The following NUFIP2 variants were observed in gnomAD, a reference collection of about 807,000 sequenced individuals.
The protein encoded by NUFIP2 is FMR1-interacting protein NUFIP2.
In NUFIP2, 6 loss-of-function variants were observed where a neutral mutation model predicts 56.9. The ratio of observed to expected loss-of-function variants is 0.11; its 90% CI spans 0.06 to 0.21. The LOEUF (loss-of-function observed/expected upper bound fraction) is 0.21. NUFIP2 is among the 10% of genes least tolerant of loss of function. The probability of loss-of-function intolerance (pLI) is 1.00; values close to 1 mark genes in which losing one functional copy is unlikely to be tolerated. For synonymous variants in NUFIP2, 321 were observed against 298.2 expected, an observed-to-expected ratio of 1.08 and a Z score of -0.79; for missense variants, 828 against 826.8, an observed-to-expected ratio of 1.00 and a Z score of -0.02.
chr17:29,262,897 T>C lies in NUFIP2; in HGVS notation c.*1642A>G, dbSNP rs1326430737. 6.6e-6 allele frequency: 1 copy of C among 152,346 alleles called. No homozygotes were observed. The highest frequency in any genetic ancestry group is 1.5e-5 in the Non-Finnish European group (1 of 67,992). The allele number at this position is 152,346 out of a possible 1,614,324, so 9.4% of individuals were successfully genotyped here. ...AACAGCTTCTTTCATGAACTACTTG[T>C]TTTAAAAGCCTCAAATAATCAACAA... On this transcript the variant is annotated 3_prime_UTR_variant, in exon 4 of 4. Transcript: ENST00000225388.
rs763952481 is a variant in NUFIP2, at chr17:29,294,036, T to C, written c.24A>G (p.Pro8=). Residue 8 remains proline (P), a synonymous_variant, in exon 1 of 4, where the codon CCA becomes CCG. Transcript: ENST00000225388. MEEKPGQ[P]QPQHHHSHHH... ...GGTGGCTGTGATGGTGCTGAGGCTG[T>C]GGCTGGCCGGGCTTCTCCTCCATTG... is the stretch of plus-strand genomic sequence containing the variant. 4 of 1,606,102 alleles carry C rather than the reference T, an allele frequency of 2.5e-6. No homozygotes were observed. Among genetic ancestry groups the C allele is most frequent in the Non-Finnish European group, 3.4e-6 (4 of 1,174,608 alleles).
chr17:29,276,590 G>A (rs944725339), intron 2 of NUFIP2, among the ~76,000 whole-genome samples: 6 of 152,072 alleles, frequency 3.9e-5, no homozygotes, highest in African/African-American at 1.4e-4. Flanking sequence ...TGCCAGCCTT[G>A]GCCTCCCAAA....
chr17:29,265,691 C>T (rs2069031682), intron 3 of NUFIP2, among the ~76,000 whole-genome samples: 1 of 131,586 alleles, frequency 7.6e-6, no homozygotes, highest in Admixed American at 8.2e-5. Context: ...TCCCTAAGAA[C>T]TTTTTCAAGT....
chr17:29,285,870 C>T, intron 2 of NUFIP2, 122 bp downstream of exon 2: 3 of 729,312 alleles, frequency 4.1e-6, no homozygotes, highest in Non-Finnish European at 4.4e-6. Flanking sequence ...GCTGCTTATC[C>T]ACATTGTCAT....
rs1442204932 is a variant in NUFIP2, at chr17:29,294,141, G to A, written c.-82C>T. On this transcript the variant is annotated 5_prime_UTR_variant, in exon 1 of 4. Transcript: ENST00000225388. ...GAGACTGCTTCTCAGGGCTCACTCA[G>A]TATATCTGAGCGCGTCTCGCCAGCG... The A allele has an allele frequency of 1.3e-5, 19 of 1,486,218 alleles. No individual in the cohort carries two copies. Among genetic ancestry groups the A allele is most frequent in the Non-Finnish European group, 1.7e-5 (19 of 1,116,538 alleles). 92.1% of individuals were successfully genotyped at this position (1,486,218 alleles called of 1,614,324 possible). A position where few individuals can be genotyped will look rare whatever the true frequency, so the allele number is the denominator to read the frequency against.
intron 2 of NUFIP2, among the ~76,000 whole-genome samples, chr17:29,274,534 C>T (rs945925505): frequency 1.1e-4 from 16 of 152,328 alleles, no homozygotes; most frequent in South Asian, 2.1e-4. Context: ...TATGTACCAT[C>T]TATGACTGCT....
rs1410894571 is a variant in NUFIP2 at position 29,287,148 on chromosome 17, A to G, written c.846T>C (p.Tyr282=). Residue 282 remains tyrosine (Y), a synonymous_variant, in exon 2 of 4, where the codon TAT becomes TAC. Coordinates refer to ENST00000225388, the MANE Select transcript of NUFIP2 (RefSeq NM_020772.3). Reference sequence around the variant, plus strand: ...GACTTGTTCCTCCAGGCCCAGTTTCATACTTCCAAATGGGCTTCGAACCAT... The same window carrying G: ...GACTTGTTCCTCCAGGCCCAGTTTCGTACTTCCAAATGGGCTTCGAACCAT... ...RVDGSKPIWK[Y]ETGPGGTSRG... is the part of the protein sequence containing the mutation. 2 of 1,614,136 alleles carry G rather than the reference A, an allele frequency of 1.2e-6. No individual in the cohort carries two copies. The highest frequency in any genetic ancestry group is 2.2e-5 in the South Asian group (2 of 91,078).
chr17:29,270,717 C>A (rs1013491245), intron 2 of NUFIP2, among the ~76,000 whole-genome samples: 1 of 151,900 alleles, frequency 6.6e-6, no homozygotes, highest in South Asian at 2.1e-4. Flanking sequence ...TAGTGGCTCA[C>A]GCCTGTAATC....
intron 2 of NUFIP2, among the ~76,000 whole-genome samples, chr17:29,272,839 T>A (rs1182636639): frequency 1.5e-5 from 2 of 136,404 alleles, no homozygotes; most frequent in Non-Finnish European, 1.6e-5. Flanking sequence ...AGTAACTGAT[T>A]CTTTTTTTTT....
intron 2 of NUFIP2, among the ~76,000 whole-genome samples, chr17:29,269,015 A>G (rs2069056070): frequency 6.6e-6 from 1 of 151,976 alleles, no homozygotes; most frequent in Admixed American, 6.6e-5. Flanking sequence ...GCAGTTAAAA[A>G]CTCTACCTGT....
rs2068987267 is a variant in NUFIP2, at chr17:29,259,106, A to G, written c.*5433T>C. 6.6e-6 allele frequency: 1 copy of G among 152,236 alleles called. No homozygotes were observed. Among genetic ancestry groups the G allele is most frequent in the African/African-American group, 2.4e-5 (1 of 41,468 alleles). 9.4% of individuals were successfully genotyped at this position (152,236 alleles called of 1,614,324 possible). ...TTTTAAGAATAAAGCAGACATCACT[A>G]AAGCAGTATCCATTTTCAGAGCCTT... On this transcript the variant is annotated 3_prime_UTR_variant, in exon 4 of 4. Transcript: ENST00000225388.
chr17:29,274,700 G>T (rs1486590812), intron 2 of NUFIP2, among the ~76,000 whole-genome samples: 1 of 152,134 alleles, frequency 6.6e-6, no homozygotes, highest in African/African-American at 2.4e-5. Flanking sequence ...TCATTATATA[G>T]GTGAAGGGAA....
intron 2 of NUFIP2, among the ~76,000 whole-genome samples, chr17:29,279,019 G>C (rs1046166649): frequency 6.6e-6 from 1 of 152,096 alleles, no homozygotes; most frequent in South Asian, 2.1e-4. Context: ...AATCCAACCA[G>C]GGCTAAAACC....
chr17:29,289,946 C>T (rs1471308536), intron 1 of NUFIP2, among the ~76,000 whole-genome samples: 1 of 151,964 alleles, frequency 6.6e-6, no homozygotes, highest in Non-Finnish European at 1.5e-5. Context: ...TTTTTTGAGA[C>T]AGATTCTCGC....
At chr17:29,264,809 T>A (rs1198939895) in intron 3 of NUFIP2, among the ~76,000 whole-genome samples, 3 of 152,188 alleles carry the variant, frequency 2.0e-5, no homozygotes, top group African/African-American at 7.2e-5. Flanking sequence ...TACAGGGTCC[T>A]CTAGCCAGTG....
In NUFIP2 at chr17:29,258,257, TG is replaced by T. The variant is rs1374167074; in HGVS notation, c.*6281del. On this transcript the variant is annotated 3_prime_UTR_variant, in exon 4 of 4. Coordinates refer to ENST00000225388, the MANE Select transcript of NUFIP2 (RefSeq NM_020772.3). ...ATTTGGTGTTTCCCACCCATTATTT[TG>T]GGTTCAATCACCTTCAAGTTTGGGT... 6.6e-6 allele frequency: 1 copy of T among 152,226 alleles called. No individual in the cohort carries two copies. The highest frequency in any genetic ancestry group is 1.5e-5 in the Non-Finnish European group (1 of 68,030). The allele number at this position is 152,226 out of a possible 1,614,324, so 9.4% of individuals were successfully genotyped here. A position where few individuals can be genotyped will look rare whatever the true frequency, so the allele number is the denominator to read the frequency against.
intron 1 of NUFIP2, among the ~76,000 whole-genome samples, chr17:29,288,830 AT>A (rs2069193588): frequency 6.6e-6 from 1 of 152,218 alleles, no homozygotes; most frequent in Non-Finnish European, 1.5e-5. Context: ...AAAGAATCCA[AT>A]TTTTTAGTGT....
At chr17:29,264,917 C>A (rs1221630469) in intron 3 of NUFIP2, among the ~76,000 whole-genome samples, 1 of 152,044 alleles carries the variant, frequency 6.6e-6, no homozygotes, top group Non-Finnish European at 1.5e-5. Flanking sequence ...ATACAGCAGC[C>A]AAAGAAAAAA....
intron 3 of NUFIP2, among the ~76,000 whole-genome samples, chr17:29,265,308 T>TA (rs2069028561): frequency 1.4e-5 from 2 of 145,988 alleles, no homozygotes; most frequent in African/African-American, 2.5e-5. Context: ...TTATTTTATT[T>TA]TTTTTTTTTT....
Sources: allele counts gnomAD v4.1 joint callset (sites outside exome capture counted in the v4.1 genomes callset), GRCh38; gene constraint gnomAD v4.1.1; transcripts MANE v1.5; gene names NCBI Gene and HGNC (gene_info 2026-07-23, HGNC 2026-07-21).